The following SEC24C variants were observed in gnomAD, a reference collection of about 807,000 sequenced individuals.
The protein encoded by SEC24C is protein transport protein Sec24C.
SEC24C carries 22 observed loss-of-function variants against 117.0 expected under a neutral mutation model. That is an observed-to-expected ratio of 0.19 (90% CI 0.13 to 0.27). The LOEUF (loss-of-function observed/expected upper bound fraction) is 0.27, where lower values mean the gene tolerates loss of function less well. Among genes scored for constraint, SEC24C ranks in the 10% least tolerant of loss-of-function variants. The pLI, the probability that SEC24C is intolerant of heterozygous loss-of-function variation, is 1.00. For missense variants in SEC24C, 1,155 were observed against 1,375.1 expected, an observed-to-expected ratio of 0.84 and a Z score of 2.53; for synonymous variants, 506 against 529.4, an observed-to-expected ratio of 0.96 and a Z score of 0.61.
intron 10 of SEC24C, 67 bp from the exon 11 acceptor site, chr10:73,766,019 T>G: frequency 6.3e-7 from 1 of 1,598,476 alleles, no homozygotes; most frequent in Non-Finnish European, 8.5e-7. Context: ...TTTTTGATGC[T>G]GACTTCTCTA....
Position 73,766,840 on chromosome 10 carries a change from T to G in SEC24C, c.1880T>G (p.Met627Arg), listed in dbSNP as rs1174000397. 6.2e-7 allele frequency: 1 copy of G among 1,614,110 alleles called. No homozygotes were observed. The change falls in exon 13 of 23, where the codon ATG becomes AGG. Residue 627 changes from methionine to arginine, a missense_variant. Physicochemically the swap from Met to Arg is moderately conservative, Grantham distance 91 (BLOSUM62 -1). This residue lies in a region of SEC24C where 759 missense variants were observed against 992.3 expected (regional missense o/e 0.76). Transcript: ENST00000345254. Reference sequence around the variant, plus strand: ...TTTGTACCAGTTATCCAGGCTGGAATGGAGGCTCTGAAGGTAAGGCTGGAG... The same window carrying G: ...TTTGTACCAGTTATCCAGGCTGGAAGGGAGGCTCTGAAGGTAAGGCTGGAG... ...TVFVPVIQAG[M>R]EALKAAECAG...
chr10:73,759,993 A>T, intron 4 of SEC24C, 25 bp from the exon 5 acceptor site: 2 of 1,538,446 alleles, frequency 1.3e-6, no homozygotes, highest in Non-Finnish European at 8.8e-7. Context: ...TGGGCTTTTG[A>T]CTCTACCTTT....
intron 4 of SEC24C, 74 bp downstream of exon 4, chr10:73,759,868 C>A: frequency 6.7e-7 from 1 of 1,488,230 alleles, no homozygotes; most frequent in South Asian, 1.4e-5. Flanking sequence ...ATACCTGAAT[C>A]TCTTTTATTT....
intron 2 of SEC24C, 92 bp from the exon 3 acceptor site, chr10:73,751,016 T>G: frequency 1.4e-6 from 2 of 1,410,384 alleles, no homozygotes; most frequent in Non-Finnish European, 2.0e-6. Flanking sequence ...CCAGTGAAGG[T>G]CTGAGTTTAT....
At chr10:73,768,292 C>G (rs1252512681) in intron 15 of SEC24C, among the ~76,000 whole-genome samples, 6 of 152,154 alleles carry the variant, frequency 3.9e-5, no homozygotes, top group Non-Finnish European at 8.8e-5. Flanking sequence ...GCTAAGAATC[C>G]CTTGAACCCG....
At chr10:73,762,390 G>C (rs995691226) in intron 6 of SEC24C, among the ~76,000 whole-genome samples, 1 of 152,178 alleles carries the variant, frequency 6.6e-6, no homozygotes, top group East Asian at 1.9e-4. Flanking sequence ...AGTATGGGGT[G>C]GTGGAAGGTC....
rs1444038520 is a variant in SEC24C at position 73,771,044 on chromosome 10, T to C, written c.3234T>C (p.Tyr1078=). ...AGAGTCTGAGTGGGGGAGCATCTTA[T>C]GTGGACTTTCTCTGTCATATGCACA... The part of the protein sequence containing the change: ...EDKSLSGGAS[Y]VDFLCHMHKE... The change falls in exon 23 of 23, where the codon TAT becomes TAC. Residue 1078 remains tyrosine (Y), a synonymous_variant. Coordinates refer to ENST00000345254, the MANE Select transcript of SEC24C (RefSeq NM_198597.3). 5 of 1,614,076 alleles carry C rather than the reference T, an allele frequency of 3.1e-6. No homozygotes were observed. Among genetic ancestry groups the C allele is most frequent in the South Asian group, 1.1e-5 (1 of 91,086 alleles).
chr10:73,768,203 G>A (rs987862422), intron 15 of SEC24C, among the ~76,000 whole-genome samples, 196 bp downstream of exon 15: 2 of 152,212 alleles, frequency 1.3e-5, no homozygotes, highest in African/African-American at 4.8e-5. Flanking sequence ...GGCCAACATG[G>A]CAAAACCCCA....
chr10:73,749,807 G>T (rs149883753), intron 2 of SEC24C, among the ~76,000 whole-genome samples: 93 of 152,300 alleles, frequency 6.1e-4, no homozygotes, highest in Middle Eastern at 6.8e-3. Context: ...CTCCCAAAGT[G>T]CTGGGATTAC....
Position 73,769,379 on chromosome 10 carries a change from G to T in SEC24C, c.2457G>T (p.Gln819His). 1 of 1,614,082 alleles carries T rather than the reference G, an allele frequency of 6.2e-7. No individual in the cohort carries two copies. Among genetic ancestry groups the T allele is most frequent in the Non-Finnish European group, 8.5e-7 (1 of 1,179,986 alleles). Residue 819 changes from glutamine to histidine, a missense_variant, in exon 18 of 23, where the codon CAG (glutamine) becomes CAT (histidine). Transcript: ENST00000345254. The surrounding 1 kb of genome is among the most constrained non-coding windows in gnomAD (Gnocchi z 4.5). ...CALLYTSCAG[Q>H]RRLRIHNLAL... ...TGCTTTACACCAGCTGTGCAGGGCA[G>T]CGTCGGCTCCGCATCCATAATCTGG...
intron 3 of SEC24C, among the ~76,000 whole-genome samples, 192 bp downstream of exon 3, chr10:73,751,435 C>T (rs773441985): frequency 7.9e-5 from 12 of 152,106 alleles, no homozygotes; most frequent in Non-Finnish European, 1.3e-4. Context: ...GTGGTGTGCA[C>T]TTGAAATCCC....
At chr10:73,758,416 T>A (rs992171990) in intron 3 of SEC24C, among the ~76,000 whole-genome samples, 1 of 152,220 alleles carries the variant, frequency 6.6e-6, no homozygotes, top group Non-Finnish European at 1.5e-5. Context: ...TGTTTTTGTA[T>A]ATTTAGTGGT....
rs1565049955 is a variant in SEC24C, at chr10:73,769,570, C to T, written c.2564-45C>T. The T allele has an allele frequency of 5.6e-6, 9 of 1,611,832 alleles. No homozygotes were observed. The highest frequency in any genetic ancestry group is 7.6e-6 in the Non-Finnish European group (9 of 1,178,088). ...GTAGTTGTGATGGTGGGAATGCACA[C>T]ATGATGGGCAGCTGACCAGTGACTA... On this transcript the variant is annotated intron_variant, in intron 18 of 22. Transcript: ENST00000345254. This position sits in a 1 kb window ranked among gnomAD's most constrained non-coding sequence, Gnocchi z 4.5.
In SEC24C at chr10:73,766,452, G is replaced by A. The variant is rs761325066; in HGVS notation, c.1710G>A (p.Met570Ile). The change falls in exon 12 of 23, where the codon ATG becomes ATA. Residue 570 changes from methionine (M) to isoleucine (I), a missense_variant. This residue lies in a region of SEC24C where 759 missense variants were observed against 992.3 expected (regional missense o/e 0.76). Transcript: ENST00000345254. ...NVKSSLAQPQ[M>I]MVVSDVADMF... ...AGAGCTCATTGGCCCAGCCACAGAT[G>A]ATGGTTGTGTCTGATGTGGCTGACA... 6 of 1,614,202 alleles carry A rather than the reference G, an allele frequency of 3.7e-6. No individual in the cohort carries two copies. The highest frequency in any genetic ancestry group is 5.1e-6 in the Non-Finnish European group (6 of 1,180,046).
intron 3 of SEC24C, among the ~76,000 whole-genome samples, chr10:73,757,763 T>A (rs1399492349): frequency 1.3e-5 from 2 of 149,040 alleles, no homozygotes; most frequent in Admixed American, 6.7e-5. Context: ...ATAAAAAAAA[T>A]TAGCTAGGTG....
chr10:73,765,403 C>T, intron 8 of SEC24C, 48 bp from the exon 9 acceptor site: 1 of 1,588,314 alleles, frequency 6.3e-7, no homozygotes, highest in Non-Finnish European at 8.6e-7. Flanking sequence ...CTGGCTGAAC[C>T]TACTGTGGTT....
At chr10:73,763,706 T>TTTTTA in intron 7 of SEC24C, 105 bp downstream of exon 7, 7 of 681,254 alleles carry the variant, frequency 1.0e-5, no homozygotes, top group South Asian at 2.6e-5. Context: ...TTTTAGTTTT[T>TTTTTA]AACCAGAGAC....
intron 1 of SEC24C, among the ~76,000 whole-genome samples, chr10:73,745,715 A>G (rs1201310051): frequency 6.6e-6 from 1 of 151,198 alleles, no homozygotes; most frequent in African/African-American, 2.4e-5. Context: ...ATGCCCGGCT[A>G]GTTTTTGTAT....
chr10:73,747,986 G>T (rs1209891965), intron 2 of SEC24C, among the ~76,000 whole-genome samples: 1 of 151,920 alleles, frequency 6.6e-6, no homozygotes, highest in Non-Finnish European at 1.5e-5. Flanking sequence ...TAGAGATGGG[G>T]TTTTACCAGT....
Sources: allele counts gnomAD v4.1 joint callset (sites outside exome capture counted in the v4.1 genomes callset), GRCh38; gene constraint gnomAD v4.1.1; regional missense constraint gnomAD v4.1.1; non-coding constraint Gnocchi (gnomAD v3.1); transcripts MANE v1.5; gene names NCBI Gene and HGNC (gene_info 2026-07-23, HGNC 2026-07-21).